ACSS2: variants seen among roughly 807,000 people sequenced by gnomAD.
ACSS2 encodes the protein acyl-CoA synthetase short chain family member 2, also known as acetyl-coenzyme A synthetase, cytoplasmic.
ACSS2 carries 58 observed loss-of-function variants against 90.6 expected under a neutral mutation model. That is an observed-to-expected ratio of 0.64 (90% CI 0.52 to 0.80). The LOEUF (loss-of-function observed/expected upper bound fraction) is 0.80. Among genes scored for constraint, ACSS2 ranks in the 30% least tolerant of loss-of-function variants. The pLI is 0.00. For missense variants in ACSS2, 759 were observed against 912.0 expected (o/e 0.83, Z 2.16); for synonymous variants, 300 against 330.9 (o/e 0.91, Z 1.01).
chr20:34,887,020 T>C (rs2146980818), intron 2 of ACSS2, among the ~76,000 whole-genome samples: 1 of 152,374 alleles, frequency 6.6e-6, no homozygotes, highest in East Asian at 1.9e-4. Flanking sequence ...TTATCCAAAA[T>C]AGAACCATAT....
intron 2 of ACSS2, among the ~76,000 whole-genome samples, chr20:34,891,432 C>T (rs1164869039): frequency 6.6e-6 from 1 of 151,960 alleles, no homozygotes; most frequent in Non-Finnish European, 1.5e-5. Flanking sequence ...ACTCAGTAGG[C>T]GGGTTGAATT....
intron 14 of ACSS2, among the ~76,000 whole-genome samples, chr20:34,924,982 G>A (rs116405933): frequency 0.018 from 2,789 of 152,284 alleles, 99 homozygotes; most frequent in African/African-American, 0.063. Flanking sequence ...GAGCCACCAT[G>A]CCTGGCCACC....
intron 2 of ACSS2, chr20:34,908,889 T>G (rs1328568104): frequency 4.8e-6 from 2 of 414,186 alleles, no homozygotes; most frequent in Non-Finnish European, 9.4e-6. Context: ...AAAGCACACA[T>G]CTCTTGAACC....
At chr20:34,898,987 G>C (rs1197414897) in intron 2 of ACSS2, among the ~76,000 whole-genome samples, 1 of 152,248 alleles carries the variant, frequency 6.6e-6, no homozygotes, top group African/African-American at 2.4e-5. Context: ...ATGGAGCGCA[G>C]TGCTGGTGGG....
chr20:34,881,017 A>ATTTT (rs71761863), intron 1 of ACSS2, among the ~76,000 whole-genome samples: 4 of 75,566 alleles, frequency 5.3e-5, no homozygotes, highest in Admixed American at 1.4e-4. Flanking sequence ...TTTCCTCCAA[A>ATTTT]TTTTTTTTTT....
chr20:34,917,393 T>G (rs1568994462), intron 7 of ACSS2, among the ~76,000 whole-genome samples: 1 of 152,338 alleles, frequency 6.6e-6, no homozygotes, highest in Non-Finnish European at 1.5e-5. Context: ...CTCTTCTTCC[T>G]TTTTCTAGGC....
chr20:34,890,796 A>G (rs1435314567), intron 2 of ACSS2, among the ~76,000 whole-genome samples: 1 of 152,024 alleles, frequency 6.6e-6, no homozygotes, highest in Admixed American at 6.6e-5. Context: ...CAGGAACTGG[A>G]GCTTTTGAGA....
intron 2 of ACSS2, among the ~76,000 whole-genome samples, chr20:34,893,277 C>T (rs1278700397): frequency 1.3e-5 from 2 of 152,240 alleles, no homozygotes; most frequent in East Asian, 3.9e-4. Context: ...TTGTGGCCCA[C>T]TGTAGCCTCA....
intron 1 of ACSS2, among the ~76,000 whole-genome samples, chr20:34,879,936 A>T (rs538608896): frequency 6.6e-6 from 1 of 152,194 alleles, no homozygotes; most frequent in Non-Finnish European, 1.5e-5. Context: ...TAAAATTAGG[A>T]TAATTAATGT....
At chr20:34,892,476 A>G (rs2080358106) in intron 2 of ACSS2, among the ~76,000 whole-genome samples, 1 of 151,906 alleles carries the variant, frequency 6.6e-6, no homozygotes, top group Admixed American at 6.5e-5. Flanking sequence ...AATCCCTAAC[A>G]ATCCCCATAA....
At chr20:34,907,840 C>A (rs2147058505) in intron 2 of ACSS2, among the ~76,000 whole-genome samples, 1 of 152,326 alleles carries the variant, frequency 6.6e-6, no homozygotes, top group South Asian at 2.1e-4. Flanking sequence ...CTGTGTTTGG[C>A]TTCTCTCATC....
intron 8 of ACSS2, among the ~76,000 whole-genome samples, chr20:34,919,825 G>A (rs1214709739): frequency 6.6e-6 from 1 of 151,998 alleles, no homozygotes; most frequent in Non-Finnish European, 1.5e-5. Flanking sequence ...CTTTCCCTAT[G>A]CACCCATGGT....
At position 34,921,472 on chromosome 20, in the gene ACSS2, G is replaced by A. The variant is rs3818273; in HGVS notation, c.1410+10G>A. ...CTGGCAAACAGAGACAGTGAGTGAAGGGTACAGAAGGCTGGGGCCCAGGGA... is the reference window on the plus strand; with the variant it reads ...CTGGCAAACAGAGACAGTGAGTGAAAGGTACAGAAGGCTGGGGCCCAGGGA... On this transcript the variant is annotated intron_variant, in intron 11 of 17. Transcript: ENST00000360596. The A allele has an allele frequency of 0.6, 970,754 of 1,613,858 alleles. 297,499 individuals are homozygous for A. Among genetic ancestry groups the A allele is most frequent in the South Asian group, 0.74 (67,231 of 91,086 alleles).
rs773160210 is a variant in ACSS2, at chr20:34,915,220, T to C, written c.834+783T>C. Reference sequence around the variant, plus strand: ...TTTTCATCCTGGGCTCTTAACAGGGTAAACTGAAAGAGAAATCCAAGCGTG... The same window carrying C: ...TTTTCATCCTGGGCTCTTAACAGGGCAAACTGAAAGAGAAATCCAAGCGTG... On this transcript the variant is annotated intron_variant, in intron 7 of 17. Transcript: ENST00000360596. 7.4e-6 allele frequency: 12 copies of C among 1,613,854 alleles called. No homozygotes were observed. The South Asian group carries it at 1.3e-4, about 18-fold the overall frequency.
intron 1 of ACSS2, among the ~76,000 whole-genome samples, chr20:34,880,960 G>A (rs2080057582): frequency 6.7e-6 from 1 of 149,664 alleles, no homozygotes; most frequent in Non-Finnish European, 1.5e-5. Flanking sequence ...ATGAGGGGGT[G>A]ATAATCTGTA....
At chr20:34,911,186 AT>A (rs113927168) in intron 2 of ACSS2, among the ~76,000 whole-genome samples, 143 of 130,654 alleles carry the variant, frequency 1.1e-3, no homozygotes, top group Admixed American at 2.0e-3. Flanking sequence ...CTCAGCTAAA[AT>A]TTTTTTTTTT....
intron 1 of ACSS2, among the ~76,000 whole-genome samples, chr20:34,879,983 G>A (rs1407078892): frequency 6.6e-6 from 1 of 152,130 alleles, no homozygotes; most frequent in African/African-American, 2.4e-5. Flanking sequence ...AAGATTAAAT[G>A]AGATTAGTCC....
chr20:34,887,350 T>C (rs183897884), intron 2 of ACSS2, among the ~76,000 whole-genome samples: 6 of 152,342 alleles, frequency 3.9e-5, no homozygotes, highest in Admixed American at 3.9e-4. Flanking sequence ...TTAGCCAAAC[T>C]GATTTAAATT....
Position 34,921,634 on chromosome 20 carries a change from G to A in ACSS2, c.1467+34G>A, listed in dbSNP as rs369641394. On this transcript the variant is annotated intron_variant, in intron 12 of 17. Coordinates refer to ENST00000360596, the MANE Select transcript of ACSS2 (RefSeq NM_018677.4). ...TGCTTCCCTGGCTGGTCTTGGGCTA[G>A]GCAGGGATGGTGTCTTGGGGCACTT... The A allele has an allele frequency of 1.1e-5, 18 of 1,614,198 alleles. No homozygotes were observed. In the East Asian group the frequency reaches 2.2e-4, roughly 20 times the overall value.
Sources: allele counts gnomAD v4.1 joint callset (sites outside exome capture counted in the v4.1 genomes callset), GRCh38; gene constraint gnomAD v4.1.1; transcripts MANE v1.5; gene names NCBI Gene and HGNC (gene_info 2026-07-23, HGNC 2026-07-21).